KIF6: variants seen among roughly 807,000 people sequenced by gnomAD.
KIF6 encodes the protein kinesin-like protein KIF6.
In KIF6, 106 loss-of-function variants were observed where a neutral mutation model predicts 112.7. The observed-to-expected ratio is 0.94, with a 90% CI of 0.80 to 1.11. KIF6 has a LOEUF of 1.11. KIF6 is among the 50% of genes least tolerant of loss of function. KIF6 has a pLI of 0.00. For missense variants in KIF6, 929 were observed against 964.0 expected (o/e 0.96, Z 0.48); for synonymous variants, 339 against 339.9 (o/e 1.00, Z 0.03).
intron 10 of KIF6, among the ~76,000 whole-genome samples, chr6:39,576,805 A>C (rs1780998949): frequency 6.6e-6 from 1 of 152,194 alleles, no homozygotes; most frequent in South Asian, 2.1e-4. Context: ...GTTTCTCAGC[A>C]AAACTGTCTC....
intron 13 of KIF6, among the ~76,000 whole-genome samples, chr6:39,517,902 C>A (rs1554230936): frequency 6.6e-6 from 1 of 151,988 alleles, no homozygotes; most frequent in Non-Finnish European, 1.5e-5. Flanking sequence ...AGAAAAATCA[C>A]AAAAAAACCA....
intron 10 of KIF6, among the ~76,000 whole-genome samples, chr6:39,561,923 A>C (rs1780029072): frequency 6.6e-6 from 1 of 152,232 alleles, no homozygotes; most frequent in Non-Finnish European, 1.5e-5. Context: ...CACGTGAGAA[A>C]TGTTTCTGTG....
At chr6:39,426,517 A>G (rs1770777128) in intron 14 of KIF6, among the ~76,000 whole-genome samples, 1 of 152,200 alleles carries the variant, frequency 6.6e-6, no homozygotes, top group Non-Finnish European at 1.5e-5. Context: ...TGGAAGGCCC[A>G]GGGAGGGGGG....
chr6:39,569,571 A>T (rs1582158194), intron 10 of KIF6, among the ~76,000 whole-genome samples: 1 of 152,258 alleles, frequency 6.6e-6, no homozygotes, highest in Non-Finnish European at 1.5e-5. Flanking sequence ...CCAATAAAAA[A>T]ATTTGAACTG....
At chr6:39,479,854 G>A (rs904636319) in intron 13 of KIF6, among the ~76,000 whole-genome samples, 1 of 151,996 alleles carries the variant, frequency 6.6e-6, no homozygotes, top group African/African-American at 2.4e-5. Flanking sequence ...TCTTGGCTTG[G>A]TCACTGCTGG....
At chr6:39,553,127 T>C (rs751096452) in intron 10 of KIF6, among the ~76,000 whole-genome samples, 9 of 152,360 alleles carry the variant, frequency 5.9e-5, no homozygotes, top group Middle Eastern at 3.4e-3. Context: ...AGGTATTATA[T>C]ACATTATATG....
chr6:39,684,879 G>C (rs947899204), intron 3 of KIF6, among the ~76,000 whole-genome samples: 3 of 152,204 alleles, frequency 2.0e-5, no homozygotes, highest in African/African-American at 7.2e-5. Context: ...GCTGCTTAAA[G>C]ATCAAATAGG....
chr6:39,370,084 C>T (rs374613875), intron 16 of KIF6, among the ~76,000 whole-genome samples: 1 of 152,232 alleles, frequency 6.6e-6, no homozygotes, highest in Non-Finnish European at 1.5e-5. Flanking sequence ...ACTCAGGTTT[C>T]TCTCAAAGCT....
intron 15 of KIF6, among the ~76,000 whole-genome samples, chr6:39,391,944 C>T (rs1767931864): frequency 6.6e-6 from 1 of 151,050 alleles, no homozygotes; most frequent in Non-Finnish European, 1.5e-5. Context: ...TATATGAATG[C>T]ATGTATATAT....
intron 10 of KIF6, among the ~76,000 whole-genome samples, chr6:39,567,414 G>A (rs1344713815): frequency 6.6e-6 from 1 of 152,160 alleles, no homozygotes; most frequent in Non-Finnish European, 1.5e-5. Context: ...GAGTCAAGAT[G>A]AGAATTCAAG....
chr6:39,365,097 C>T (rs1368730213), intron 16 of KIF6, among the ~76,000 whole-genome samples: 2 of 152,210 alleles, frequency 1.3e-5, no homozygotes, highest in Admixed American at 1.3e-4. Flanking sequence ...CGCCATTATT[C>T]TTCCCCTTTG....
chr6:39,590,449 ATATT>A (rs1275807763), intron 7 of KIF6, among the ~76,000 whole-genome samples: 1 of 96,534 alleles, frequency 1.0e-5, no homozygotes, highest in African/African-American at 4.7e-5. Context: ...ATATATATAT[ATATT>A]TTTTTTTTTT....
intron 14 of KIF6, among the ~76,000 whole-genome samples, chr6:39,424,193 G>A (rs1322241551): frequency 1.4e-4 from 22 of 152,208 alleles, no homozygotes; most frequent in Non-Finnish European, 2.9e-5. Context: ...CCTTTACTTG[G>A]AGCCTGTCTT....
Position 39,716,011 on chromosome 6 carries a change from ACTT to A in KIF6, c.177-1248_177-1246del, listed in dbSNP as rs201820697. Reference sequence around the variant, plus strand: ...AGGAGAATGATGATAACGCTGGTTCACTTCTTTTATCAGATGGGTGATGACTGG... The same window carrying A: ...AGGAGAATGATGATAACGCTGGTTCACTTTTATCAGATGGGTGATGACTGG... On this transcript the variant is annotated intron_variant, in intron 2 of 22. Transcript: ENST00000287152. 6.0e-3 allele frequency among the ~76,000 whole-genome samples: 912 copies of A among 152,244 alleles called. 34 individuals carry two copies. The highest frequency in any genetic ancestry group is 2.7e-3 in the East Asian group (14 of 5,182).
intron 13 of KIF6, among the ~76,000 whole-genome samples, chr6:39,449,877 C>A (rs760099112): frequency 1.3e-5 from 2 of 152,208 alleles, no homozygotes; most frequent in South Asian, 2.1e-4. Flanking sequence ...TTTTAAATAA[C>A]CTTTCTGTTC....
At chr6:39,495,332 C>T (rs886788492) in intron 13 of KIF6, among the ~76,000 whole-genome samples, 7 of 152,156 alleles carry the variant, frequency 4.6e-5, no homozygotes, top group African/African-American at 1.2e-4. Flanking sequence ...CATATGTCCG[C>T]GTGTCCCTGG....
At chr6:39,423,564 T>C (rs1461468633) in intron 14 of KIF6, among the ~76,000 whole-genome samples, 1 of 152,032 alleles carries the variant, frequency 6.6e-6, no homozygotes, top group Admixed American at 6.5e-5. Flanking sequence ...CTGCTTTAGT[T>C]CCTGACTCAG....
intron 13 of KIF6, among the ~76,000 whole-genome samples, chr6:39,457,922 A>G (rs374121688): frequency 3.3e-5 from 5 of 150,358 alleles, no homozygotes; most frequent in Non-Finnish European, 7.4e-5. Flanking sequence ...ATGGATTCAC[A>G]GCCGAATTCT....
intron 17 of KIF6, among the ~76,000 whole-genome samples, chr6:39,360,931 C>T (rs1320388281): frequency 1.3e-5 from 2 of 152,106 alleles, no homozygotes; most frequent in African/African-American, 4.8e-5. Flanking sequence ...AGATTCGGAA[C>T]CTGAGACAGG....
Sources: gnomAD v4.1 joint callset for allele counts (sites outside exome capture counted in the v4.1 genomes callset) on GRCh38, gnomAD v4.1.1 for gene constraint, MANE v1.5 for transcripts, NCBI Gene and HGNC (gene_info 2026-07-23, HGNC 2026-07-21) for gene names.